Variants in RAD54B observed in about 807,000 individuals in gnomAD.
The protein encoded by RAD54B is RAD54 homolog B.
RAD54B carries 78 observed loss-of-function variants against 95.8 expected under a neutral mutation model. The ratio of observed to expected loss-of-function variants is 0.81; its 90% CI spans 0.68 to 0.98. RAD54B has a LOEUF of 0.98. RAD54B is among the 50% of genes least tolerant of loss of function. The pLI, the probability that RAD54B is intolerant of heterozygous loss-of-function variation, is 0.00. For synonymous variants in RAD54B, 328 were observed against 354.9 expected (o/e 0.92, Z 0.85); for missense variants, 957 against 1,056.6 (o/e 0.91, Z 1.31).
chr8:94,422,169 T>C (rs1586156177), intron 3 of RAD54B, among the ~76,000 whole-genome samples: 2 of 152,320 alleles, frequency 1.3e-5, no homozygotes, highest in East Asian at 1.9e-4. Flanking sequence ...CAGTAACTTA[T>C]AAAGTCCTGA....
intron 10 of RAD54B, 92 bp downstream of exon 10, chr8:94,391,517 C>A (rs1287880810): frequency 7.5e-7 from 1 of 1,340,000 alleles, no homozygotes; most frequent in South Asian, 1.6e-5. Flanking sequence ...CCCACAAATG[C>A]AACCTCAGAA....
intron 14 of RAD54B, among the ~76,000 whole-genome samples, chr8:94,376,513 GAA>G (rs929226993): frequency 6.6e-6 from 1 of 151,330 alleles, no homozygotes; most frequent in Admixed American, 6.6e-5. Flanking sequence ...AAGGAGAAAA[GAA>G]GAGAAATTAT....
At chr8:94,378,450 T>C in intron 13 of RAD54B, 70 bp from the exon 14 acceptor site, 2 of 1,470,936 alleles carry the variant, frequency 1.4e-6, no homozygotes, top group Non-Finnish European at 9.3e-7. Flanking sequence ...GTATAATGTT[T>C]AGTAACATAC....
intron 6 of RAD54B, among the ~76,000 whole-genome samples, chr8:94,402,861 G>A (rs904040282): frequency 6.6e-6 from 1 of 152,086 alleles, no homozygotes; most frequent in East Asian, 1.9e-4. Flanking sequence ...TTATGACATC[G>A]GTTACTAGAG....
At chr8:94,428,351 T>C (rs1230544094) in intron 3 of RAD54B, 7 of 980,458 alleles carry the variant, frequency 7.1e-6, no homozygotes, top group Non-Finnish European at 8.5e-6. Flanking sequence ...GTGGCTTAAG[T>C]GTATAGTCAT....
chr8:94,381,838 G>T (rs1215495360), intron 11 of RAD54B, among the ~76,000 whole-genome samples: 1 of 152,138 alleles, frequency 6.6e-6, no homozygotes, highest in African/African-American at 2.4e-5. Context: ...GAAAGGCCGG[G>T]CGCGGTGGCT....
At chr8:94,395,425 A>T (rs1811120081) in intron 8 of RAD54B, among the ~76,000 whole-genome samples, 1 of 152,092 alleles carries the variant, frequency 6.6e-6, no homozygotes, top group South Asian at 2.1e-4. Context: ...TCCTGAAATC[A>T]CTCTAAGGCA....
chr8:94,418,117 TG>T (rs1811718907), intron 3 of RAD54B, among the ~76,000 whole-genome samples: 1 of 152,224 alleles, frequency 6.6e-6, no homozygotes, highest in Admixed American at 6.5e-5. Context: ...TGCTTCTAAA[TG>T]TCCCAGTAGA....
At chr8:94,417,541 T>G (rs1167886115) in intron 3 of RAD54B, among the ~76,000 whole-genome samples, 1 of 151,436 alleles carries the variant, frequency 6.6e-6, no homozygotes, top group Non-Finnish European at 1.5e-5. Context: ...ACTGAAAATA[T>G]CATATCCTGC....
chr8:94,454,445 A>G (rs935195338), intron 3 of RAD54B, among the ~76,000 whole-genome samples: 2 of 152,230 alleles, frequency 1.3e-5, no homozygotes, highest in African/African-American at 4.8e-5. Context: ...ATATTTTATC[A>G]CAATTAAAAA....
chr8:94,452,213 T>A (rs1812671653), intron 3 of RAD54B, among the ~76,000 whole-genome samples: 1 of 152,198 alleles, frequency 6.6e-6, no homozygotes, highest in Non-Finnish European at 1.5e-5. Flanking sequence ...CTCCTAATAT[T>A]AATACCATCA....
chr8:94,426,338 C>T, intron 3 of RAD54B, among the ~76,000 whole-genome samples: 1 of 151,628 alleles, frequency 6.6e-6, no homozygotes. Flanking sequence ...AAATGTCTGG[C>T]AATTTCTTAA....
chr8:94,382,099 G>A (rs1251669892), intron 11 of RAD54B, among the ~76,000 whole-genome samples: 2 of 135,358 alleles, frequency 1.5e-5, no homozygotes, highest in Non-Finnish European at 3.1e-5. Flanking sequence ...GGGCGACAGA[G>A]CAAGACTCCC....
At position 94,372,164 on chromosome 8, in the gene RAD54B, C is replaced by A. The variant is rs767951601; in HGVS notation, c.*6G>T. On this transcript the variant is annotated 3_prime_UTR_variant, in exon 15 of 15. Transcript: ENST00000336148. ...AGAGCAATGGAATGTCAGAAGTAAT[C>A]TTTCACTATGTGCCAGTAGCTTGAG... The A allele has an allele frequency of 5.7e-6, 9 of 1,589,042 alleles. No individual in the cohort carries two copies. The East Asian group carries it at 1.3e-4, about 24-fold the overall frequency.
At chr8:94,432,621 C>G in intron 3 of RAD54B, 1 of 1,548,690 alleles carries the variant, frequency 6.5e-7, no homozygotes, top group East Asian at 2.4e-5. Flanking sequence ...CTGTAGTGAA[C>G]TGGTACCAGC....
At chr8:94,459,321 GT>G (rs1032730834) in intron 2 of RAD54B, among the ~76,000 whole-genome samples, 5 of 149,176 alleles carry the variant, frequency 3.4e-5, no homozygotes, top group South Asian at 2.2e-4. Flanking sequence ...CCCAGCTAAT[GT>G]TTTTTTTTCT....
intron 3 of RAD54B, 41 bp from the exon 4 acceptor site, chr8:94,411,356 T>C (rs373653646): frequency 6.0e-6 from 9 of 1,494,174 alleles, no homozygotes; most frequent in Middle Eastern, 3.6e-4. Flanking sequence ...AAAATGACTT[T>C]AATGTCTAAG....
At position 94,372,254 on chromosome 8, in the gene RAD54B, A is replaced by T. The variant is rs769463453; in HGVS notation, c.2649T>A (p.Asn883Lys). ...TTCTTTCAAGAAAAGGATCTGTAAG[A>T]TTTAAATGATCTCCAGAAAAATGTT... Reference protein sequence around the residue: ...QWKHFSGDHLNLTDPFLERIT... With the variant: ...QWKHFSGDHLKLTDPFLERIT... Residue 883 changes from asparagine (N) to lysine (K), a missense_variant, in exon 15 of 15, where the codon AAT (asparagine) becomes AAA (lysine). By Grantham distance (94) the Asn-to-Lys change is moderately conservative (BLOSUM62 0). Transcript: ENST00000336148. 164 of 1,613,332 alleles carry T rather than the reference A, an allele frequency of 1.0e-4. 1 individual carries two copies. Among genetic ancestry groups the T allele is most frequent in the Middle Eastern group, 8.3e-4 (5 of 6,058 alleles).
Position 94,399,404 on chromosome 8 carries a change from G to A in RAD54B, c.1378+10C>T. ...AATTCCAAAATATCTTCCCCAAACT[G>A]AATACTGACCAGTTAGAATTATTCT... is the stretch of plus-strand genomic sequence containing the variant. On this transcript the variant is annotated intron_variant, in intron 8 of 14. Coordinates refer to ENST00000336148, the MANE Select transcript of RAD54B (RefSeq NM_012415.3). 1 of 1,609,800 alleles carries A rather than the reference G, an allele frequency of 6.2e-7. No homozygotes were observed. Among genetic ancestry groups the A allele is most frequent in the South Asian group, 1.1e-5 (1 of 90,850 alleles).
Sources: allele counts gnomAD v4.1 joint callset (sites outside exome capture counted in the v4.1 genomes callset), GRCh38; gene constraint gnomAD v4.1.1; transcripts MANE v1.5; gene names NCBI Gene and HGNC (gene_info 2026-07-23, HGNC 2026-07-21).